Variants in PRSS23 observed in about 807,000 individuals in gnomAD.
PRSS23 encodes protease, serine 23.
In PRSS23, 25 loss-of-function variants were observed where a neutral mutation model predicts 34.7. The observed-to-expected ratio is 0.72, with a 90% CI of 0.53 to 1.01. The LOEUF is 1.01. PRSS23 is among the 50% of genes least tolerant of loss of function. PRSS23 has a pLI of 0.00. For synonymous variants in PRSS23, 176 were observed against 186.6 expected (o/e 0.94, Z 0.46); for missense variants, 445 against 475.6 (o/e 0.94, Z 0.60).
At chr11:86,859,751 A>G (rs1948599896) in intron 2 of PRSS23, among the ~76,000 whole-genome samples, 1 of 151,962 alleles carries the variant, frequency 6.6e-6, no homozygotes, top group Admixed American at 6.6e-5. Flanking sequence ...AACTCCCAAT[A>G]TCACAAGAGG....
intron 2 of PRSS23, among the ~76,000 whole-genome samples, chr11:86,877,466 A>G (rs1948732479): frequency 6.6e-6 from 1 of 152,098 alleles, no homozygotes; most frequent in Non-Finnish European, 1.5e-5. Flanking sequence ...TTTTATTAAC[A>G]TATTTTTATT....
chr11:86,939,575 T>C (rs1949193356), intron 2 of PRSS23, among the ~76,000 whole-genome samples: 1 of 150,934 alleles, frequency 6.6e-6, no homozygotes, highest in Non-Finnish European at 1.5e-5. Context: ...TAAATATACA[T>C]CTTACAGGAA....
intron 2 of PRSS23, among the ~76,000 whole-genome samples, chr11:86,898,345 A>G (rs1327723512): frequency 3.3e-5 from 5 of 152,218 alleles, no homozygotes; most frequent in African/African-American, 1.2e-4. Context: ...TTCAATAAAT[A>G]TAGTATAAAA....
At chr11:86,837,790 T>G (rs1183092844) in intron 2 of PRSS23, among the ~76,000 whole-genome samples, 1 of 152,064 alleles carries the variant, frequency 6.6e-6, no homozygotes, top group Non-Finnish European at 1.5e-5. Context: ...AAGTTTTAGT[T>G]AAATGGACAT....
chr11:86,880,335 G>A (rs2134960482), intron 2 of PRSS23, among the ~76,000 whole-genome samples: 1 of 150,692 alleles, frequency 6.6e-6, no homozygotes, highest in African/African-American at 2.4e-5. Flanking sequence ...CTCTGCATAG[G>A]AAAACCAGAG....
intron 2 of PRSS23, among the ~76,000 whole-genome samples, chr11:86,861,225 C>T (rs528584743): frequency 2.0e-4 from 21 of 106,980 alleles, no homozygotes; most frequent in Non-Finnish European, 3.7e-4. Context: ...CCGTAATATC[C>T]AGGGTGGGAG....
At chr11:86,866,731 T>C (rs948470243) in intron 2 of PRSS23, among the ~76,000 whole-genome samples, 1 of 152,178 alleles carries the variant, frequency 6.6e-6, no homozygotes, top group Admixed American at 6.5e-5. Context: ...GAATCCCTCA[T>C]GAATAGATTG....
At chr11:86,879,788 T>A (rs369049197) in intron 2 of PRSS23, among the ~76,000 whole-genome samples, 1 of 54,406 alleles carries the variant, frequency 1.8e-5, no homozygotes, top group African/African-American at 7.7e-5. Flanking sequence ...GTCAGCCCCC[T>A]GCCCGGCCAG....
At chr11:86,939,421 T>TTTTTTTTTTTTTAAAA (rs1949189479) in intron 2 of PRSS23, among the ~76,000 whole-genome samples, 1 of 99,718 alleles carries the variant, frequency 1.0e-5, no homozygotes, top group Non-Finnish European at 2.3e-5. Context: ...TATATATATA[T>TTTTTTTTTTTTTAAAA]ATATATTTTT....
chr11:86,832,962 G>A, intron 2 of PRSS23: 1 of 381,738 alleles, frequency 2.6e-6, no homozygotes. Context: ...CAGGTCATTT[G>A]TAAGGCAATC....
At position 86,903,481 on chromosome 11, in the gene PRSS23, C is replaced by CTTT. The variant is rs10688682; in HGVS notation, c.207-47718_207-47716dup. Reference sequence around the variant, plus strand: ...AGTATTGTAATTTTTAACATACAATCTTTTTTTTTTTTTTTTTTTGAGACG... The same window carrying CTTT: ...AGTATTGTAATTTTTAACATACAATCTTTTTTTTTTTTTTTTTTTTTTGAGACG... On this transcript the variant is annotated intron_variant, in intron 2 of 2. Coordinates refer to the PRSS23 transcript ENST00000533902. Among the ~76,000 whole-genome samples the CTTT allele has an allele frequency of 9.7e-3, 1,217 of 124,916 alleles. 25 individuals carry two copies. The highest frequency in any genetic ancestry group is 0.023 in the Admixed American group (271 of 11,910). 81.9% of individuals were successfully genotyped at this position (124,916 alleles called of 152,430 possible).
At chr11:86,859,076 C>T (rs1477143591) in intron 2 of PRSS23, among the ~76,000 whole-genome samples, 7 of 151,856 alleles carry the variant, frequency 4.6e-5, no homozygotes, top group Non-Finnish European at 1.0e-4. Context: ...CACCAAATGT[C>T]ACAGGGACTG....
intron 2 of PRSS23, among the ~76,000 whole-genome samples, chr11:86,912,736 G>A (rs368957005): frequency 4.6e-5 from 7 of 151,554 alleles, no homozygotes; most frequent in East Asian, 3.9e-4. Flanking sequence ...TAAAATTCTC[G>A]TCAACTAATT....
intron 2 of PRSS23, among the ~76,000 whole-genome samples, chr11:86,888,253 T>G (rs1948818616): frequency 6.6e-6 from 1 of 152,006 alleles, no homozygotes; most frequent in South Asian, 2.1e-4. Context: ...CTCTATGCAG[T>G]CAAGGGGAAT....
At chr11:86,872,409 A>G (rs1948691086) in intron 2 of PRSS23, among the ~76,000 whole-genome samples, 1 of 152,174 alleles carries the variant, frequency 6.6e-6, no homozygotes, top group Admixed American at 6.5e-5. Context: ...CCTATCCCAC[A>G]CTTAACACGT....
At chr11:86,859,606 C>G (rs1948598459) in intron 2 of PRSS23, among the ~76,000 whole-genome samples, 1 of 151,862 alleles carries the variant, frequency 6.6e-6, no homozygotes, top group Non-Finnish European at 1.5e-5. Context: ...ATATTACTCC[C>G]AGTATCACAG....
chr11:86,843,582 A>G (rs1016406060), intron 2 of PRSS23, among the ~76,000 whole-genome samples: 3 of 152,170 alleles, frequency 2.0e-5, no homozygotes, highest in African/African-American at 7.2e-5. Flanking sequence ...CAAGAAAAAA[A>G]GCCCCATCAA....
chr11:86,854,660 C>T (rs940468662), intron 2 of PRSS23, among the ~76,000 whole-genome samples: 3 of 152,206 alleles, frequency 2.0e-5, no homozygotes, highest in Non-Finnish European at 4.4e-5. Context: ...GGGCGTAAGT[C>T]TTTGATCCAG....
chr11:86,832,532 G>C (rs1565359619), intron 2 of PRSS23: 2 of 341,438 alleles, frequency 5.9e-6, no homozygotes, highest in South Asian at 5.5e-5. Flanking sequence ...AGATTAAACT[G>C]TTCTGCCATG....
Sources: allele counts gnomAD v4.1 joint callset (sites outside exome capture counted in the v4.1 genomes callset), GRCh38; gene constraint gnomAD v4.1.1; transcripts MANE v1.5; gene names NCBI Gene and HGNC (gene_info 2026-07-23, HGNC 2026-07-21).